AKR1D1: variants seen among roughly 807,000 people sequenced by gnomAD.
The protein encoded by AKR1D1 is aldo-keto reductase family 1 member D1.
AKR1D1 carries 32 observed loss-of-function variants against 42.6 expected under a neutral mutation model. The ratio of observed to expected loss-of-function variants is 0.75; its 90% confidence interval spans 0.57 to 1.01. The LOEUF is 1.01. AKR1D1 is among the 50% of genes least tolerant of loss of function. AKR1D1 has a pLI of 0.00. For missense variants in AKR1D1, 364 were observed against 402.2 expected, an observed-to-expected ratio of 0.91 and a Z score of 0.81; for synonymous variants, 123 against 135.5, an observed-to-expected ratio of 0.91 and a Z score of 0.64.
At chr7:138,086,282 G>A (rs576920825) in intron 1 of AKR1D1, among the ~76,000 whole-genome samples, 2 of 152,184 alleles carry the variant, frequency 1.3e-5, no homozygotes, top group African/African-American at 2.4e-5. Flanking sequence ...TGGACACCAC[G>A]CCTCACCTCC....
rs766066468 is a variant in AKR1D1 at position 138,116,682 on chromosome 7, A to G, written c.*20A>G. The G allele has an allele frequency of 6.2e-7, 1 of 1,613,684 alleles. No homozygotes were observed. The highest frequency in any genetic ancestry group is 8.5e-7 in the Non-Finnish European group (1 of 1,179,632). On this transcript the variant is annotated 3_prime_UTR_variant, in exon 9 of 9. Transcript: ENST00000242375. ...TACTGACTGCAGGGAGTTCCTGAAC[A>G]GATTTTTCACTCCCACGAGTGCCAA...
chr7:138,085,504 G>A (rs1201749616), intron 1 of AKR1D1, among the ~76,000 whole-genome samples: 2 of 149,546 alleles, frequency 1.3e-5, no homozygotes, highest in African/African-American at 5.0e-5. Context: ...GAGTGCAGTG[G>A]CATGATCTCA....
At chr7:138,081,225 T>C (rs1935630943) in intron 1 of AKR1D1, among the ~76,000 whole-genome samples, 1 of 152,210 alleles carries the variant, frequency 6.6e-6, no homozygotes, top group South Asian at 2.1e-4. Flanking sequence ...TTTTCCAAGA[T>C]TTCAAGAGTT....
intron 2 of AKR1D1, 112 bp from the exon 3 acceptor site, chr7:138,091,656 C>A (rs1794080004): frequency 6.8e-6 from 5 of 733,484 alleles, no homozygotes; most frequent in South Asian, 1.5e-5. Context: ...ATAGTGAGAC[C>A]CCCCATCTCA....
chr7:138,104,813 C>T (rs1794388547), intron 4 of AKR1D1, among the ~76,000 whole-genome samples: 1 of 152,026 alleles, frequency 6.6e-6, no homozygotes. Context: ...GGCTGGAGTG[C>T]AGTGACACAG....
rs1274731668 is a variant in AKR1D1, at chr7:138,116,813, A to G, written c.*151A>G. ...CATGTTTAATGTTTGTGCAGTGTAA[A>G]TGACTTTGACTCAGTCACATTGAAG... is the stretch of plus-strand genomic sequence containing the variant. On this transcript the variant is annotated 3_prime_UTR_variant, in exon 9 of 9. Transcript: ENST00000242375. The G allele has an allele frequency of 1.5e-6, 1 of 687,394 alleles. No individual in the cohort carries two copies. The highest frequency in any genetic ancestry group is 1.8e-5 in the African/African-American group (1 of 56,594). 42.6% of individuals were successfully genotyped at this position (687,394 alleles called of 1,614,324 possible).
chr7:138,090,648 A>G (rs182948641), intron 2 of AKR1D1, among the ~76,000 whole-genome samples: 8 of 152,002 alleles, frequency 5.3e-5, no homozygotes, highest in South Asian at 2.1e-4. Context: ...AAAAAAAAAA[A>G]AAAAGAAAAA....
At chr7:138,103,129 C>T (rs1585736168) in intron 4 of AKR1D1, among the ~76,000 whole-genome samples, 1 of 151,684 alleles carries the variant, frequency 6.6e-6, no homozygotes, top group East Asian at 1.9e-4. Context: ...AAAAGTTGCA[C>T]ATCTACACAT....
intron 3 of AKR1D1, among the ~76,000 whole-genome samples, chr7:138,093,144 C>T (rs1794117718): frequency 6.6e-6 from 1 of 151,030 alleles, no homozygotes; most frequent in African/African-American, 2.4e-5. Context: ...TCTCGGCTCA[C>T]TGCAACTTCC....
rs761306601 is a variant in AKR1D1, at chr7:138,107,478, C to A, written c.753C>A (p.Tyr251Ter). ...TTCTAAACTCATTGGGGAAAAGGTA[C>A]AATAAGACAGCAGCTCAAATTGTTT... is the stretch of plus-strand genomic sequence containing the variant. ...DALLNSLGKRYNKTAAQIVLR... is the reference protein window; with the variant it reads ...DALLNSLGKR Residue 251 changes from tyrosine to a stop codon, truncating the protein, a stop_gained, in exon 7 of 9, where the codon TAC becomes TAA. Transcript: ENST00000242375. LOFTEE classifies it high-confidence loss of function. The A allele has an allele frequency of 9.3e-6, 15 of 1,614,082 alleles. No individual in the cohort carries two copies. The highest frequency in any genetic ancestry group is 1.3e-5 in the Non-Finnish European group (15 of 1,179,950).
At chr7:138,087,195 T>C (rs1793947278) in intron 1 of AKR1D1, among the ~76,000 whole-genome samples, 2 of 152,198 alleles carry the variant, frequency 1.3e-5, no homozygotes, top group Admixed American at 1.3e-4. Context: ...GATTGCTGCA[T>C]TCTCTGGAGA....
chr7:138,092,465 T>C (rs1401714335), intron 3 of AKR1D1, among the ~76,000 whole-genome samples: 1 of 152,356 alleles, frequency 6.6e-6, no homozygotes, highest in South Asian at 2.1e-4. Flanking sequence ...TTCTGAGAAA[T>C]GTGTCATGAG....
chr7:138,105,580 T>C (rs1247337925), intron 5 of AKR1D1, 151 bp downstream of exon 5: 2 of 1,231,310 alleles, frequency 1.6e-6, no homozygotes, highest in African/African-American at 3.0e-5. Flanking sequence ...CTTCTTTCTA[T>C]TGGTGTCACT....
At chr7:138,090,252 CTG>C (rs1328979020) in intron 2 of AKR1D1, among the ~76,000 whole-genome samples, 1 of 152,122 alleles carries the variant, frequency 6.6e-6, no homozygotes, top group African/African-American at 2.4e-5. Flanking sequence ...TAAATTTTCT[CTG>C]TGTTTTTAAG....
chr7:138,093,451 T>A (rs529418157), intron 3 of AKR1D1, among the ~76,000 whole-genome samples: 8 of 152,306 alleles, frequency 5.3e-5, no homozygotes, highest in Admixed American at 2.6e-4. Flanking sequence ...AATTTTTTTT[T>A]AAACTCTTTT....
chr7:138,099,874 A>C (rs199862233), intron 4 of AKR1D1, among the ~76,000 whole-genome samples: 1 of 7,990 alleles, frequency 1.3e-4, no homozygotes, highest in South Asian at 3.4e-3. Context: ...ATAGTTAAAG[A>C]AAAAAAAAAA....
At chr7:138,092,706 T>C (rs751084501) in intron 3 of AKR1D1, among the ~76,000 whole-genome samples, 2 of 152,192 alleles carry the variant, frequency 1.3e-5, no homozygotes, top group South Asian at 2.1e-4. Flanking sequence ...CTGTAGACGA[T>C]GGTAACACAA....
At chr7:138,102,856 T>A (rs1200994857) in intron 4 of AKR1D1, among the ~76,000 whole-genome samples, 1 of 151,964 alleles carries the variant, frequency 6.6e-6, no homozygotes, top group African/African-American at 2.4e-5. Flanking sequence ...TGTCGGGTTG[T>A]TAGCTTGAAT....
At chr7:138,082,322 C>T (rs183983111) in intron 1 of AKR1D1, among the ~76,000 whole-genome samples, 16 of 152,016 alleles carry the variant, frequency 1.1e-4, no homozygotes, top group Admixed American at 1.1e-3. Context: ...CTGTCCTCTA[C>T]AGAGATTTTC....
Sources: allele counts gnomAD v4.1 joint callset (sites outside exome capture counted in the v4.1 genomes callset), GRCh38; gene constraint gnomAD v4.1.1; transcripts MANE v1.5; gene names NCBI Gene and HGNC (gene_info 2026-07-23, HGNC 2026-07-21).